Variants in AKAP19 observed in about 807,000 individuals in gnomAD.
AKAP19 encodes the protein A-kinase anchoring protein 19.
the AKAP19 span, among the ~76,000 whole-genome samples, chr2:190,020,001 T>A: frequency 6.6e-6 from 1 of 152,222 alleles, no homozygotes; most frequent in African/African-American, 2.4e-5. Flanking sequence ...TTCTGCTATC[T>A]TGCTTACGCC....
chr2:190,188,230 T>C, the AKAP19 span, among the ~76,000 whole-genome samples: 1 of 152,216 alleles, frequency 6.6e-6, no homozygotes. Flanking sequence ...AAACACATAG[T>C]AGACACTCAA....
At chr2:190,079,856 GGTGTGTGTGTGT>G in the AKAP19 span, 120 of 139,656 alleles carry the variant, frequency 8.6e-4, no homozygotes, top group African/African-American at 2.4e-3. Context: ...AAAAATGAGG[GGTGTGTGTGTGT>G]GTGTGTGTGT....
At chr2:189,971,587 T>C in the AKAP19 span, among the ~76,000 whole-genome samples, 8 of 152,194 alleles carry the variant, frequency 5.3e-5, no homozygotes, top group Non-Finnish European at 1.2e-4. Flanking sequence ...TGAACTAGTT[T>C]ACAGTCCCAC....
At chr2:190,062,500 C>T in the AKAP19 span, 1 of 1,613,578 alleles carries the variant, frequency 6.2e-7, no homozygotes, top group South Asian at 1.1e-5. Flanking sequence ...TCTTTTTCCA[C>T]ATTTTCTTTT....
At chr2:190,108,118 T>C in the AKAP19 span, among the ~76,000 whole-genome samples, 1 of 152,208 alleles carries the variant, frequency 6.6e-6, no homozygotes, top group Non-Finnish European at 1.5e-5. Flanking sequence ...TCTAGTTATA[T>C]AAAGGTTGTT....
chr2:189,974,932 C>T, the AKAP19 span, among the ~76,000 whole-genome samples: 1 of 152,156 alleles, frequency 6.6e-6, no homozygotes, highest in East Asian at 1.9e-4. Context: ...GACTCTTTAT[C>T]CAATTTGCCA....
At chr2:190,100,266 T>A in the AKAP19 span, among the ~76,000 whole-genome samples, 2 of 151,756 alleles carry the variant, frequency 1.3e-5, no homozygotes, top group Non-Finnish European at 2.9e-5. Flanking sequence ...AAAACCAGTA[T>A]GTGCCATGCC....
the AKAP19 span, among the ~76,000 whole-genome samples, chr2:190,035,829 G>A: frequency 5.9e-5 from 9 of 152,142 alleles, no homozygotes; most frequent in East Asian, 1.7e-3. Flanking sequence ...TAGATAGTTA[G>A]GTTATTTCCT....
chr2:190,191,803 T>G, the AKAP19 span, among the ~76,000 whole-genome samples: 9 of 152,384 alleles, frequency 5.9e-5, no homozygotes, highest in African/African-American at 1.9e-4. Context: ...TCTCGTTTTC[T>G]AAACTGGGTT....
chr2:190,051,036 G>C, the AKAP19 span, among the ~76,000 whole-genome samples: 2 of 152,182 alleles, frequency 1.3e-5, no homozygotes, highest in Admixed American at 1.3e-4. Flanking sequence ...TCAAGTAAAA[G>C]CTGGTCAATT....
the AKAP19 span, among the ~76,000 whole-genome samples, chr2:190,041,169 A>G: frequency 6.6e-6 from 1 of 151,918 alleles, no homozygotes; most frequent in African/African-American, 2.4e-5. Flanking sequence ...GGATTTTTTT[A>G]AATTTGTTTG....
At chr2:190,149,026 C>T in the AKAP19 span, among the ~76,000 whole-genome samples, 1 of 148,708 alleles carries the variant, frequency 6.7e-6, no homozygotes, top group African/African-American at 2.5e-5. Flanking sequence ...TGCAATGGCA[C>T]GATCTCGGCT....
At chr2:189,973,193 G>A in the AKAP19 span, among the ~76,000 whole-genome samples, 1 of 152,152 alleles carries the variant, frequency 6.6e-6, no homozygotes, top group African/African-American at 2.4e-5. Flanking sequence ...TTAGCATAAA[G>A]GGCTGTTGAA....
the AKAP19 span, among the ~76,000 whole-genome samples, chr2:189,953,634 C>CAAAAAAAAAAAAAAAAAA: frequency 1.4e-5 from 1 of 72,826 alleles, no homozygotes; most frequent in Non-Finnish European, 2.7e-5. Context: ...AACTCCATCT[C>CAAAAAAAAAAAAAAAAAA]AAAAAAAAAA....
the AKAP19 span, chr2:190,202,167 A>C: frequency 6.0e-6 from 1 of 167,050 alleles, no homozygotes; most frequent in African/African-American, 2.4e-5. Context: ...TGCCAGATCC[A>C]TATCAACTAG....
chr2:190,006,998 C>T, the AKAP19 span, among the ~76,000 whole-genome samples: 17 of 152,078 alleles, frequency 1.1e-4, no homozygotes, highest in African/African-American at 3.6e-4. Flanking sequence ...CCAGCCTGGG[C>T]GACAGAGTGA....
the AKAP19 span, among the ~76,000 whole-genome samples, chr2:189,914,937 T>C: frequency 6.6e-6 from 1 of 152,094 alleles, no homozygotes; most frequent in Non-Finnish European, 1.5e-5. Flanking sequence ...CAACTTTACA[T>C]TTTGCCTGCC....
the AKAP19 span, among the ~76,000 whole-genome samples, chr2:189,962,203 C>T: frequency 6.6e-6 from 1 of 152,088 alleles, no homozygotes; most frequent in Non-Finnish European, 1.5e-5. Flanking sequence ...TGTGTTATAA[C>T]TGCCTACAGT....
chr2:190,011,028 C>CAA, the AKAP19 span, among the ~76,000 whole-genome samples: 1 of 148,476 alleles, frequency 6.7e-6, no homozygotes, highest in Non-Finnish European at 1.5e-5. Context: ...TATTTTCTCC[C>CAA]ATTCTCTCAT....
Sources: gnomAD v4.1 joint callset for allele counts (sites outside exome capture counted in the v4.1 genomes callset) on GRCh38, gnomAD v4.1.1 for gene constraint, MANE v1.5 for transcripts, NCBI Gene and HGNC (gene_info 2026-07-23, HGNC 2026-07-21) for gene names.